TRIM3: variants seen among roughly 807,000 people sequenced by gnomAD.
The protein encoded by TRIM3 is tripartite motif-containing protein 3.
A neutral mutation model predicts 66.6 loss-of-function variants in TRIM3; 13 were observed. That is an observed-to-expected ratio of 0.20 (90% confidence interval 0.13 to 0.31). TRIM3 has a LOEUF of 0.31. TRIM3 is among the 10% of genes least tolerant of loss of function. The pLI is 1.00. For missense variants in TRIM3, 711 were observed against 1,020.4 expected, an observed-to-expected ratio of 0.70 and a Z score of 4.13; for synonymous variants, 406 against 411.7, an observed-to-expected ratio of 0.99 and a Z score of 0.17.
At chr11:6,464,859 C>G (rs1046525779) in intron 2 of TRIM3, among the ~76,000 whole-genome samples, 1 of 151,940 alleles carries the variant, frequency 6.6e-6, no homozygotes, top group Admixed American at 6.6e-5. Flanking sequence ...TGGCGGCGTG[C>G]GCCTGTAGTC....
At chr11:6,451,916 T>C (rs1849739235) in intron 7 of TRIM3, 1 of 156,446 alleles carries the variant, frequency 6.4e-6, no homozygotes, top group African/African-American at 2.4e-5. Context: ...TTTCTAGGCA[T>C]AGCAGTGACA....
At chr11:6,452,783 T>C (rs1275582730) in intron 7 of TRIM3, 1 of 152,182 alleles carries the variant, frequency 6.6e-6, no homozygotes, top group Non-Finnish European at 1.5e-5. Context: ...GCCCCTCCAG[T>C]TTGAGCAGCT....
intron 2 of TRIM3, among the ~76,000 whole-genome samples, chr11:6,462,997 G>T (rs1400182339): frequency 6.6e-6 from 1 of 152,066 alleles, no homozygotes; most frequent in African/African-American, 2.4e-5. Flanking sequence ...ACAAGGTCAG[G>T]AGTTCGAGAC....
rs1163239034 is a variant in TRIM3, at chr11:6,456,893, A to T, written c.833T>A (p.Leu278Gln). The T allele has an allele frequency of 6.2e-7, 1 of 1,612,530 alleles. No individual in the cohort carries two copies. The highest frequency in any genetic ancestry group is 8.5e-7 in the Non-Finnish European group (1 of 1,179,956). ...LLVRKHMRER[L>Q]AALAAQAFPE... ...GAAGGCCTGTGCCGCCAATGCAGCC[A>T]GCCGCTCTCGCATGTGCTTGCGCAC... The change falls in exon 6 of 12, where the codon CTG becomes CAG. Residue 278 changes from leucine to glutamine, a missense_variant. Coordinates refer to ENST00000345851, the MANE Select transcript of TRIM3 (RefSeq NM_033278.4). The surrounding 1 kb of genome is among the most constrained non-coding windows in gnomAD (Gnocchi z 6.4).
At chr11:6,466,343 C>T (rs1348564035) in intron 1 of TRIM3, among the ~76,000 whole-genome samples, 3 of 152,222 alleles carry the variant, frequency 2.0e-5, no homozygotes, top group African/African-American at 7.2e-5. Context: ...CATCTGTTCT[C>T]TCCTGGAATA....
rs541750655 is a variant in TRIM3, at chr11:6,457,488, A to G, written c.516-12T>C. 7 of 1,610,542 alleles carry G rather than the reference A, an allele frequency of 4.3e-6. No homozygotes were observed. The highest frequency in any genetic ancestry group is 5.1e-6 in the Non-Finnish European group (6 of 1,178,780). On this transcript the variant is annotated splice_polypyrimidine_tract_variant and intron_variant, in intron 4 of 11. Transcript: ENST00000345851. This position sits in a 1 kb window ranked among gnomAD's most constrained non-coding sequence, Gnocchi z 4.5. ...ACAGCTGTGGCAATCTGGAGGGGGA[A>G]TATCTCATTCCAGAGTTGCTGAGGG... is the stretch of plus-strand genomic sequence containing the variant.
chr11:6,461,691 C>T lies in TRIM3; in HGVS notation c.132-3395G>A, dbSNP rs73400824. ...CAAGCTCACTGAATCTAGTGTTTCC[C>T]CATGCAAAACACCTTCTAATTCAGC... On this transcript the variant is annotated intron_variant, in intron 2 of 11. Transcript: ENST00000345851. Among the ~76,000 whole-genome samples, 1,000 of 152,204 alleles carry T rather than the reference C, an allele frequency of 6.6e-3. 13 individuals carry two copies. Among genetic ancestry groups the T allele is most frequent in the African/African-American group, 0.023 (964 of 41,516 alleles).
intron 1 of TRIM3, among the ~76,000 whole-genome samples, chr11:6,466,319 C>T (rs1242353524): frequency 6.6e-6 from 1 of 152,216 alleles, no homozygotes; most frequent in Non-Finnish European, 1.5e-5. Context: ...GTTACTACCC[C>T]TAATTCAGGC....
intron 2 of TRIM3, among the ~76,000 whole-genome samples, chr11:6,460,307 T>C (rs1850170489): frequency 6.6e-6 from 1 of 151,664 alleles, no homozygotes; most frequent in Admixed American, 6.6e-5. Context: ...CTGCTGGAAG[T>C]TGAGTGAAGG....
At position 6,456,691 on chromosome 11, in the gene TRIM3, G is replaced by A; in HGVS notation, c.1035C>T (p.Val345=). ...ALVGQPASLT[V]TTKDKDGRLV... Reference sequence around the variant, plus strand: ...ACCGCCCGTCCTTGTCTTTGGTAGTGACAGTGAGCGAGGCAGGCTGGCCCA... The same window carrying A: ...ACCGCCCGTCCTTGTCTTTGGTAGTAACAGTGAGCGAGGCAGGCTGGCCCA... Residue 345 remains valine (V), a synonymous_variant, in exon 6 of 12, where the codon GTC becomes GTT. Transcript: ENST00000345851. The surrounding 1 kb of genome is among the most constrained non-coding windows in gnomAD (Gnocchi z 6.4). The A allele has an allele frequency of 1.2e-6, 2 of 1,606,342 alleles. No homozygotes were observed. Among genetic ancestry groups the A allele is most frequent in the South Asian group, 1.1e-5 (1 of 90,952 alleles).
intron 2 of TRIM3, among the ~76,000 whole-genome samples, chr11:6,460,230 G>A (rs549212232): frequency 2.0e-5 from 3 of 152,322 alleles, no homozygotes; most frequent in African/African-American, 7.2e-5. Context: ...CACTGAATTT[G>A]GCAAATGTGA....
At position 6,455,161 on chromosome 11, in the gene TRIM3, A is replaced by T. The variant is rs369340382; in HGVS notation, c.1533+911T>A. Among the ~76,000 whole-genome samples the T allele has an allele frequency of 1.3e-4, 20 of 152,226 alleles. No individual in the cohort carries two copies. In the East Asian group the frequency reaches 1.9e-3, roughly 15 times the overall value. Reference sequence around the variant, plus strand: ...GTTTACAGCCTCCACCTGGACGATGATATTTTTAACAATAGCTAACATCAG... The same window carrying T: ...GTTTACAGCCTCCACCTGGACGATGTTATTTTTAACAATAGCTAACATCAG... On this transcript the variant is annotated intron_variant, in intron 7 of 11. Coordinates refer to ENST00000345851, the MANE Select transcript of TRIM3 (RefSeq NM_033278.4).
rs529133913 is a variant in TRIM3 at position 6,457,704 on chromosome 11, C to T, written c.507G>A (p.Val169=). 4.3e-6 allele frequency: 7 copies of T among 1,612,274 alleles called. No homozygotes were observed. The highest frequency in any genetic ancestry group is 5.9e-6 in the Non-Finnish European group (7 of 1,178,776). The part of the protein sequence containing the change: ...KAALQRQLEA[V]RGRLPQLSAA... ...CCCTGCCCAGTGCCTACCGGCCACG[C>T]ACAGCCTCGAGCTGGCGCTGCAGGG... Residue 169 remains valine, a synonymous_variant, in exon 4 of 12, where the codon GTG becomes GTA. Coordinates refer to ENST00000345851, the MANE Select transcript of TRIM3 (RefSeq NM_033278.4). The surrounding 1 kb of genome is among the most constrained non-coding windows in gnomAD (Gnocchi z 4.5).
Position 6,460,898 on chromosome 11 carries a change from CTTTTTTT to C in TRIM3, c.132-2609_132-2603del, listed in dbSNP as rs771919613. Among the ~76,000 whole-genome samples, 23 of 74,270 alleles carry C rather than the reference CTTTTTTT, an allele frequency of 3.1e-4. No individual in the cohort carries two copies. In the South Asian group the frequency reaches 5.8e-3, roughly 19 times the overall value. The allele number at this position is 74,270 out of a possible 152,430, so 48.7% of individuals were successfully genotyped here. On this transcript the variant is annotated intron_variant, in intron 2 of 11. Coordinates refer to ENST00000345851, the MANE Select transcript of TRIM3 (RefSeq NM_033278.4). The stretch of plus-strand genomic sequence containing the variant: ...TTCTTTGTTTTTGTTTTTTTGGTGG[CTTTTTTT>C]TTTTTTTTTTTTTTTTTTGAGACGG...
upstream of TRIM3, chr11:6,474,065 C>G (rs1392590104): frequency 6.6e-6 from 1 of 150,486 alleles, no homozygotes; most frequent in Non-Finnish European, 1.5e-5. Flanking sequence ...CTGCCCACCC[C>G]TACCGCACCC....
chr11:6,474,043 C>CGCCCACCCCGCCT (rs1409149271), upstream of TRIM3: 274 of 149,758 alleles, frequency 1.8e-3, no homozygotes, highest in African/African-American at 5.2e-3. Flanking sequence ...GCGGAGGCCC[C>CGCCCACCCCGCCT]GCCCACCCCG....
chr11:6,456,236 C>G lies in TRIM3; in HGVS notation c.1429+61G>C. 6.2e-7 allele frequency: 1 copy of G among 1,602,502 alleles called. No homozygotes were observed. The highest frequency in any genetic ancestry group is 8.5e-7 in the Non-Finnish European group (1 of 1,172,296). Reference sequence around the variant, plus strand: ...CATTCAGAGGTCATCTTGAACCTCCCTTCCCTCCCCACCCACTACCTGAGC... The same window carrying G: ...CATTCAGAGGTCATCTTGAACCTCCGTTCCCTCCCCACCCACTACCTGAGC... On this transcript the variant is annotated intron_variant, in intron 6 of 11. Transcript: ENST00000345851. The surrounding 1 kb of genome is among the most constrained non-coding windows in gnomAD (Gnocchi z 6.4).
At position 6,456,331 on chromosome 11, in the gene TRIM3, G is replaced by T. The variant is rs779110679; in HGVS notation, c.1395C>A (p.Asp465Glu). 9.1e-6 allele frequency: 14 copies of T among 1,543,988 alleles called. No homozygotes were observed. The highest frequency in any genetic ancestry group is 1.2e-5 in the Non-Finnish European group (14 of 1,141,700). The change falls in exon 6 of 12, where the codon GAC becomes GAA. Residue 465 changes from aspartate to glutamate, a missense_variant. Transcript: ENST00000345851. The surrounding 1 kb of genome is among the most constrained non-coding windows in gnomAD (Gnocchi z 6.4). ...AGACGAGCTCATCCTCAATTGGGTT[G>T]TCCTTTCGTTTGCCGCCTGTGCTGT... Reference protein sequence around the residue: ...SMYSTGGKRKDNPIEDELVFR... With the variant: ...SMYSTGGKRKENPIEDELVFR...
chr11:6,450,920 G>A lies in TRIM3; in HGVS notation c.1842C>T (p.Gly614=), dbSNP rs1849692510. 4 of 1,614,090 alleles carry A rather than the reference G, an allele frequency of 2.5e-6. No individual in the cohort carries two copies. In the African/African-American group the frequency reaches 5.3e-5, roughly 22 times the overall value. ...CAAAGTGGCGGTCAGTGGCCCCACG[G>A]CCCCCAAAACGGCCAACCAGTTTGC... ...PNGKLVGRFG[G]RGATDRHFAG... Residue 614 remains glycine (G), a synonymous_variant, in exon 9 of 12, where the codon GGC becomes GGT. Coordinates refer to ENST00000345851, the MANE Select transcript of TRIM3 (RefSeq NM_033278.4). This position sits in a 1 kb window ranked among gnomAD's most constrained non-coding sequence, Gnocchi z 4.8.
Sources: allele counts gnomAD v4.1 joint callset (sites outside exome capture counted in the v4.1 genomes callset), GRCh38; gene constraint gnomAD v4.1.1; non-coding constraint Gnocchi (gnomAD v3.1); transcripts MANE v1.5; gene names NCBI Gene and HGNC (gene_info 2026-07-23, HGNC 2026-07-21).